The following ADGRV1 variants were observed in gnomAD, a reference collection of about 807,000 sequenced individuals.
ADGRV1 encodes G-protein coupled receptor 98.
In ADGRV1, 359 loss-of-function variants were observed where a neutral mutation model predicts 596.2. The observed-to-expected ratio is 0.60, with a 90% CI of 0.55 to 0.66. ADGRV1 has a LOEUF of 0.66. ADGRV1 is among the 30% of genes least tolerant of loss of function. ADGRV1 has a pLI of 0.00. For missense variants in ADGRV1, 7,274 were observed against 7,575.6 expected, an observed-to-expected ratio of 0.96 and a Z score of 1.48; for synonymous variants, 2,681 against 2,679.2, an observed-to-expected ratio of 1.00 and a Z score of -0.02.
At chr5:90,608,147 A>G (rs73179779) in intron 1 of ADGRV1, among the ~76,000 whole-genome samples, 3,271 of 152,146 alleles carry the variant, frequency 0.021, 103 homozygotes, top group African/African-American at 0.073. Context: ...GGTAATTAAG[A>G]TATAAGGAAT....
rs11407284 is a variant in ADGRV1 at position 90,916,631 on chromosome 5, A to ATTTT, written c.17857-48768_17857-48765dup. On this transcript the variant is annotated intron_variant, in intron 83 of 89. Transcript: ENST00000405460. Reference sequence around the variant, plus strand: ...TTCCTTGTTTCTTCAGCGTTCACAAATTTTTTTTTTTTTTTTTTTGAGACG... The same window carrying ATTTT: ...TTCCTTGTTTCTTCAGCGTTCACAAATTTTTTTTTTTTTTTTTTTTTTTGAGACG... Among the ~76,000 whole-genome samples, 633 of 124,660 alleles carry ATTTT rather than the reference A, an allele frequency of 5.1e-3. 27 individuals are homozygous for ATTTT. The highest frequency in any genetic ancestry group is 0.026 in the East Asian group (111 of 4,312). The allele number at this position is 124,660 out of a possible 152,430, so 81.8% of individuals were successfully genotyped here.
intron 84 of ADGRV1, among the ~76,000 whole-genome samples, chr5:90,966,526 C>G (rs1229070586): frequency 2.5e-5 from 2 of 81,476 alleles, no homozygotes; most frequent in Non-Finnish European, 5.0e-5. Flanking sequence ...AAGCGAAACT[C>G]TGCCAAAAAA....
chr5:90,739,588 T>G (rs1211650441), intron 50 of ADGRV1, among the ~76,000 whole-genome samples: 1 of 152,228 alleles, frequency 6.6e-6, no homozygotes, highest in Non-Finnish European at 1.5e-5. Flanking sequence ...GGCTGTGCTC[T>G]GAGATCCAGT....
intron 85 of ADGRV1, among the ~76,000 whole-genome samples, chr5:91,063,965 C>G (rs1038048943): frequency 1.3e-5 from 2 of 152,112 alleles, no homozygotes; most frequent in East Asian, 3.9e-4. Context: ...TATATTCTAC[C>G]TGATAGGAGT....
chr5:90,640,773 G>A (rs1297543877), intron 11 of ADGRV1: 1 of 152,604 alleles, frequency 6.6e-6, no homozygotes, highest in Admixed American at 6.5e-5. Flanking sequence ...GTATTAGTGA[G>A]ATTTTAGCAA....
chr5:90,967,867 A>G (rs1405501639), intron 84 of ADGRV1, among the ~76,000 whole-genome samples: 2 of 152,254 alleles, frequency 1.3e-5, no homozygotes, highest in Non-Finnish European at 2.9e-5. Context: ...CTTAACAATA[A>G]CAACTACTGT....
rs762651180 is a variant in ADGRV1, at chr5:90,810,768, C to T, written c.15508C>T (p.Leu5170=). 1 of 1,613,968 alleles carries T rather than the reference C, an allele frequency of 6.2e-7. No individual in the cohort carries two copies. The highest frequency in any genetic ancestry group is 2.2e-5 in the East Asian group (1 of 44,864). The change falls in exon 74 of 90, where the codon CTG becomes TTG. Residue 5170 remains leucine (L), a synonymous_variant. Coordinates refer to ENST00000405460, the MANE Select transcript of ADGRV1 (RefSeq NM_032119.4). ...YLSTSKTTTI[L]QPTNVVAIVT... is the part of the protein sequence containing the mutation. ...CAGCACAAGCAAGACGACTACCATT[C>T]TGCAGCCAACCAACGTGGTTGCCAT...
intron 1 of ADGRV1, chr5:90,614,208 T>C (rs1168575101): frequency 2.6e-6 from 1 of 387,022 alleles, no homozygotes; most frequent in Non-Finnish European, 4.9e-6. Flanking sequence ...ATATATACTT[T>C]GGCAAATTTA....
chr5:90,733,615 C>G (rs1460652507), intron 50 of ADGRV1, among the ~76,000 whole-genome samples: 1 of 152,048 alleles, frequency 6.6e-6, no homozygotes, highest in Non-Finnish European at 1.5e-5. Flanking sequence ...AACTACTGAC[C>G]AGGAATCACG....
chr5:90,828,846 A>C (rs1764278514), intron 76 of ADGRV1, 98 bp from the exon 77 acceptor site: 1 of 665,950 alleles, frequency 1.5e-6, no homozygotes, highest in African/African-American at 1.8e-5. Flanking sequence ...ATTTCTCTAA[A>C]AATGTATATG....
intron 87 of ADGRV1, among the ~76,000 whole-genome samples, chr5:91,116,100 A>G (rs1345302291): frequency 6.6e-6 from 1 of 152,226 alleles, no homozygotes; most frequent in Non-Finnish European, 1.5e-5. Flanking sequence ...TGAAAAAAAT[A>G]TAAAGAGCAT....
intron 75 of ADGRV1, among the ~76,000 whole-genome samples, chr5:90,817,655 A>G (rs1018347145): frequency 2.1e-4 from 32 of 152,222 alleles, no homozygotes; most frequent in Admixed American, 8.5e-4. Flanking sequence ...TCCCAGCACC[A>G]TTTGTTAAAT....
intron 85 of ADGRV1, among the ~76,000 whole-genome samples, chr5:91,021,076 C>A (rs1407260217): frequency 1.3e-5 from 2 of 152,004 alleles, no homozygotes; most frequent in African/African-American, 4.8e-5. Flanking sequence ...TAAAGCAAAT[C>A]TTTCCATATC....
intron 1 of ADGRV1, among the ~76,000 whole-genome samples, chr5:90,561,104 A>G (rs797007296): frequency 4.6e-5 from 7 of 152,266 alleles, no homozygotes; most frequent in African/African-American, 1.7e-4. Context: ...GTATAATTTT[A>G]TATTGGATCA....
intron 85 of ADGRV1, among the ~76,000 whole-genome samples, chr5:91,047,371 A>AG (rs1445859338): frequency 1.3e-5 from 2 of 152,202 alleles, no homozygotes; most frequent in Non-Finnish European, 2.9e-5. Context: ...CATGTTCACA[A>AG]GATGAGGTCC....
At chr5:91,046,303 C>G (rs1785802378) in intron 85 of ADGRV1, among the ~76,000 whole-genome samples, 1 of 152,120 alleles carries the variant, frequency 6.6e-6, no homozygotes, top group South Asian at 2.1e-4. Context: ...CAGCATGATA[C>G]TGGTATAAAA....
intron 17 of ADGRV1, 60 bp from the exon 18 acceptor site, chr5:90,651,543 AT>A: frequency 7.6e-7 from 1 of 1,318,742 alleles, no homozygotes; most frequent in African/African-American, 1.5e-5. Flanking sequence ...ATTTAAAAGT[AT>A]AAATTTTACA....
At chr5:90,716,040 A>G (rs1750065533) in intron 42 of ADGRV1, among the ~76,000 whole-genome samples, 1 of 152,178 alleles carries the variant, frequency 6.6e-6, no homozygotes, top group South Asian at 2.1e-4. Flanking sequence ...GTAGACAATC[A>G]TGTCATCTAG....
chr5:91,163,919 AC>A lies in ADGRV1; in HGVS notation c.*20del. ...CCTGTAGCACCTCACTAACCATTCG[AC>A]TGAGCACACTTTCATATTTGTATCA... On this transcript the variant is annotated 3_prime_UTR_variant, in exon 90 of 90. Coordinates refer to ENST00000405460, the MANE Select transcript of ADGRV1 (RefSeq NM_032119.4). The A allele has an allele frequency of 9.0e-7, 1 of 1,105,568 alleles. No individual in the cohort carries two copies. Among genetic ancestry groups the A allele is most frequent in the African/African-American group, 1.5e-5 (1 of 65,256 alleles). The allele number at this position is 1,105,568 out of a possible 1,614,324, so 68.5% of individuals were successfully genotyped here. A position where few individuals can be genotyped will look rare whatever the true frequency, so the allele number is the denominator to read the frequency against.
Sources: gnomAD v4.1 joint callset for allele counts (sites outside exome capture counted in the v4.1 genomes callset) on GRCh38, gnomAD v4.1.1 for gene constraint, MANE v1.5 for transcripts, NCBI Gene and HGNC (gene_info 2026-07-23, HGNC 2026-07-21) for gene names.